Variants in OTOP3 observed in about 807,000 individuals in gnomAD.
OTOP3 encodes otopetrin 3.
In OTOP3, 41 loss-of-function variants were observed where a neutral mutation model predicts 50.8. The observed-to-expected ratio is 0.81, with a 90% CI of 0.63 to 1.05. OTOP3 has a LOEUF of 1.05. Among genes scored for constraint, OTOP3 ranks in the 50% least tolerant of loss-of-function variants. The pLI, the probability that OTOP3 is intolerant of heterozygous loss-of-function variation, is 0.00. For synonymous variants in OTOP3, 320 were observed against 324.4 expected (o/e 0.99, Z 0.14); for missense variants, 788 against 760.8 (o/e 1.04, Z -0.42).
intron 1 of OTOP3, among the ~76,000 whole-genome samples, chr17:74,936,961 C>CTTTTTTTTTTTTT (rs1191319023): frequency 2.0e-5 from 2 of 101,308 alleles, no homozygotes; most frequent in Non-Finnish European, 2.0e-5. Context: ...CCCCCCCACC[C>CTTTTTTTTTTTTT]TTTTTTTTTT....
chr17:74,947,062 G>A lies in OTOP3; in HGVS notation c.1153G>A (p.Glu385Lys). ...GTAIHGLEER[E>K]LDTVKNPTRS... ...AGCCATACACGGGCTGGAGGAGAGAGAGCTGGACACGGTCAAGAACCCTAC... is the reference window on the plus strand; with the variant it reads ...AGCCATACACGGGCTGGAGGAGAGAAAGCTGGACACGGTCAAGAACCCTAC... Residue 385 changes from glutamate to lysine, a missense_variant, in exon 6 of 7, where the codon GAG (glutamate) becomes AAG (lysine). Physicochemically the swap from Glu to Lys is moderately conservative, Grantham distance 56 (BLOSUM62 1). Coordinates refer to ENST00000328801, the MANE Select transcript of OTOP3 (RefSeq NM_001272005.2). 1 of 1,614,118 alleles carries A rather than the reference G, an allele frequency of 6.2e-7. No individual in the cohort carries two copies.
intron 6 of OTOP3, 148 bp downstream of exon 6, chr17:74,947,623 C>A: frequency 1.2e-6 from 1 of 818,366 alleles, no homozygotes; most frequent in Non-Finnish European, 1.9e-6. Context: ...CTACAGGGTG[C>A]CTGGCACAAA....
intron 1 of OTOP3, among the ~76,000 whole-genome samples, chr17:74,937,616 G>T (rs1306939308): frequency 6.6e-6 from 1 of 152,154 alleles, no homozygotes; most frequent in Non-Finnish European, 1.5e-5. Context: ...CTCCTCCCCA[G>T]CCAGCCCGGA....
chr17:74,948,606 G>A (rs564136907), intron 6 of OTOP3, among the ~76,000 whole-genome samples: 2 of 152,338 alleles, frequency 1.3e-5, no homozygotes, highest in African/African-American at 4.8e-5. Flanking sequence ...GTTTCAGTGA[G>A]CTGAGATCGT....
intron 1 of OTOP3, among the ~76,000 whole-genome samples, chr17:74,939,750 G>A (rs527714609): frequency 6.6e-6 from 1 of 152,172 alleles, no homozygotes; most frequent in African/African-American, 2.4e-5. Context: ...AGTGGGGGGA[G>A]GGGCACAGAA....
At chr17:74,938,617 G>C (rs950170798) in intron 1 of OTOP3, among the ~76,000 whole-genome samples, 1 of 152,138 alleles carries the variant, frequency 6.6e-6, no homozygotes, top group Non-Finnish European at 1.5e-5. Flanking sequence ...AATGCTAGAG[G>C]GGTAAGTTGA....
chr17:74,945,583 G>A (rs193071113), intron 5 of OTOP3, among the ~76,000 whole-genome samples: 16 of 152,234 alleles, frequency 1.1e-4, no homozygotes, highest in South Asian at 4.1e-4. Flanking sequence ...AGATATTTTC[G>A]GCCCCAGCTT....
In OTOP3 at chr17:74,941,561, G is replaced by A. The variant is rs781664907; in HGVS notation, c.188G>A (p.Arg63Gln). Reference protein sequence around the residue: ...RHFSLLLRRDRQAQKAGQLFS... With the variant: ...RHFSLLLRRDQQAQKAGQLFS... Reference sequence around the variant, plus strand: ...TTCTCTCTGCTGCTGCGGCGGGACCGGCAGGCCCAGAAGGCTGGACAACTC... The same window carrying A: ...TTCTCTCTGCTGCTGCGGCGGGACCAGCAGGCCCAGAAGGCTGGACAACTC... Residue 63 changes from arginine (R) to glutamine (Q), a missense_variant, in exon 2 of 7, where the codon CGG (arginine) becomes CAG (glutamine). Transcript: ENST00000328801. 3.7e-5 allele frequency: 60 copies of A among 1,611,038 alleles called. No homozygotes were observed. Among genetic ancestry groups the A allele is most frequent in the East Asian group, 6.7e-5 (3 of 44,870 alleles).
chr17:74,947,226 C>T lies in OTOP3; in HGVS notation c.1317C>T (p.Leu439=), dbSNP rs1319506780. Reference sequence around the variant, plus strand: ...TCATCCTGGCCTACTCGCTGCTGCTCATCCTGCAGCACATCGCTCAGAACC... The same window carrying T: ...TCATCCTGGCCTACTCGCTGCTGCTTATCCTGCAGCACATCGCTCAGAACC... ...NRLILAYSLL[L]ILQHIAQNLF... Residue 439 remains leucine (L), a synonymous_variant, in exon 6 of 7, where the codon CTC becomes CTT. Transcript: ENST00000328801. 2 of 1,613,978 alleles carry T rather than the reference C, an allele frequency of 1.2e-6. No homozygotes were observed. Among genetic ancestry groups the T allele is most frequent in the Non-Finnish European group, 1.7e-6 (2 of 1,180,008 alleles).
chr17:74,939,834 A>T (rs9891319), intron 1 of OTOP3, among the ~76,000 whole-genome samples: 22,544 of 152,122 alleles, frequency 0.15, 2,519 homozygotes, highest in East Asian at 0.37. Flanking sequence ...GGCCTGTCCC[A>T]TGCTCTCAGA....
At chr17:74,937,626 A>G (rs907045023) in intron 1 of OTOP3, among the ~76,000 whole-genome samples, 2 of 152,108 alleles carry the variant, frequency 1.3e-5, no homozygotes, top group Non-Finnish European at 2.9e-5. Flanking sequence ...GCCAGCCCGG[A>G]AAGAGTTTAA....
At position 74,947,072 on chromosome 17, in the gene OTOP3, C is replaced by T. The variant is rs145029319; in HGVS notation, c.1163C>T (p.Thr388Met). 9.9e-6 allele frequency: 16 copies of T among 1,613,968 alleles called. No homozygotes were observed. The highest frequency in any genetic ancestry group is 2.2e-5 in the East Asian group (1 of 44,886). Residue 388 changes from threonine to methionine, a missense_variant, in exon 6 of 7, where the codon ACG (threonine) becomes ATG (methionine). By Grantham distance (81) the Thr-to-Met change is moderately conservative. Coordinates refer to ENST00000328801, the MANE Select transcript of OTOP3 (RefSeq NM_001272005.2). ...GGGCTGGAGGAGAGAGAGCTGGACA[C>T]GGTCAAGAACCCTACCCGCAGCCTG... is the stretch of plus-strand genomic sequence containing the variant. ...IHGLEERELD[T>M]VKNPTRSLDV...
rs149393433 is a variant in OTOP3 at position 74,939,522 on chromosome 17, T to C, written c.20-1871T>C. ...ATCCCCACTCTCAACAGCACCTCAG[T>C]CCCACCAGGAAGAAGGAGTGTCCGG... On this transcript the variant is annotated intron_variant, in intron 1 of 6. Coordinates refer to ENST00000328801, the MANE Select transcript of OTOP3 (RefSeq NM_001272005.2). Among the ~76,000 whole-genome samples, 312 of 152,044 alleles carry C rather than the reference T, an allele frequency of 2.1e-3. 1 individual carries two copies. The South Asian group carries it at 0.025, about 12-fold the overall frequency.
At position 74,947,289 on chromosome 17, in the gene OTOP3, G is replaced by C; in HGVS notation, c.1380G>C (p.Trp460Cys). The change falls in exon 6 of 7, where the codon TGG (tryptophan) becomes TGC (cysteine). Residue 460 changes from tryptophan to cysteine, a missense_variant. Coordinates refer to ENST00000328801, the MANE Select transcript of OTOP3 (RefSeq NM_001272005.2). ...IIEGLHRRPL[W>C]ETVPEGLAGK... Reference sequence around the variant, plus strand: ...AGGGCCTGCACCGGCGCCCACTCTGGGAGACAGTTCCCGAGGGCCTGGCAG... The same window carrying C: ...AGGGCCTGCACCGGCGCCCACTCTGCGAGACAGTTCCCGAGGGCCTGGCAG... 1 of 1,613,492 alleles carries C rather than the reference G, an allele frequency of 6.2e-7. No homozygotes were observed.
chr17:74,938,526 G>A (rs897438362), intron 1 of OTOP3, among the ~76,000 whole-genome samples: 11 of 152,118 alleles, frequency 7.2e-5, no homozygotes, highest in African/African-American at 2.7e-4. Context: ...GCAAAGAATA[G>A]GGTGTGGGCA....
chr17:74,942,982 A>C (rs1393989878), intron 3 of OTOP3, among the ~76,000 whole-genome samples: 1 of 152,184 alleles, frequency 6.6e-6, no homozygotes, highest in Non-Finnish European at 1.5e-5. Flanking sequence ...GCTTCCTCTT[A>C]GGTTTCTCTT....
chr17:74,946,787 T>C lies in OTOP3; in HGVS notation c.878T>C (p.Met293Thr), dbSNP rs750976614. The C allele has an allele frequency of 8.7e-6, 14 of 1,612,566 alleles. No individual in the cohort carries two copies. The South Asian group carries it at 9.9e-5, about 11-fold the overall frequency. The change falls in exon 6 of 7, where the codon ATG becomes ACG. Residue 293 changes from methionine (M) to threonine (T), a missense_variant. Met to Thr is a moderately conservative substitution (Grantham distance 81, BLOSUM62 -1). Coordinates refer to ENST00000328801, the MANE Select transcript of OTOP3 (RefSeq NM_001272005.2). ...CLICCAVLFV[M>T]WKNVGRHVAP... ...ATCTGCTGTGCTGTGCTGTTTGTCA[T>C]GTGGAAGAACGTGGGCCGCCACGTG...
chr17:74,949,381 G>T lies in OTOP3; in HGVS notation c.1702G>T (p.Val568Leu). The T allele has an allele frequency of 6.2e-7, 1 of 1,613,674 alleles. No individual in the cohort carries two copies. Among genetic ancestry groups the T allele is most frequent in the Non-Finnish European group, 8.5e-7 (1 of 1,179,934 alleles). ...GGGGGTCTTCTACCGCATGCACTCT[G>T]TGGGAGGCCTGGTGGAGGTCTACCT... ...PLGVFYRMHS[V>L]GGLVEVYLGA Residue 568 changes from valine (V) to leucine (L), a missense_variant, in exon 7 of 7, where the codon GTG (valine) becomes TTG (leucine). Val to Leu is a conservative substitution (Grantham distance 32, BLOSUM62 1). Transcript: ENST00000328801.
chr17:74,946,807 C>T lies in OTOP3; in HGVS notation c.898C>T (p.His300Tyr). Residue 300 changes from histidine to tyrosine, a missense_variant, in exon 6 of 7, where the codon CAC becomes TAC. Transcript: ENST00000328801. ...LFVMWKNVGR[H>Y]VAPHMGAHPA... is the part of the protein sequence containing the mutation. ...TGTCATGTGGAAGAACGTGGGCCGC[C>T]ACGTGGCACCCCACATGGGTGCCCA... The T allele has an allele frequency of 2.5e-6, 4 of 1,611,770 alleles. No homozygotes were observed. Among genetic ancestry groups the T allele is most frequent in the Non-Finnish European group, 3.4e-6 (4 of 1,180,014 alleles).
Sources: gnomAD v4.1 joint callset for allele counts (sites outside exome capture counted in the v4.1 genomes callset) on GRCh38, gnomAD v4.1.1 for gene constraint, MANE v1.5 for transcripts, NCBI Gene and HGNC (gene_info 2026-07-23, HGNC 2026-07-21) for gene names.